The following DLGAP1 variants were observed in gnomAD, a reference collection of about 807,000 sequenced individuals.
The protein encoded by DLGAP1 is disks large-associated protein 1.
A neutral mutation model predicts 90.8 loss-of-function variants in DLGAP1; 11 were observed. The ratio of observed to expected loss-of-function variants is 0.12; its 90% CI spans 0.08 to 0.20. The LOEUF is 0.20. DLGAP1 is among the 10% of genes least tolerant of loss of function. The pLI is 1.00. For missense variants in DLGAP1, 1,050 were observed against 1,333.8 expected (o/e 0.79, Z 3.31); for synonymous variants, 558 against 540.7 (o/e 1.03, Z -0.44).
chr18:4,311,503 A>G (rs1317281694), intron 1 of DLGAP1, among the ~76,000 whole-genome samples: 5 of 152,174 alleles, frequency 3.3e-5, no homozygotes, highest in Non-Finnish European at 7.3e-5. Context: ...TCTTTTAGTA[A>G]CAAATCCTTT....
chr18:3,961,269 G>C (rs1458395711), intron 3 of DLGAP1, among the ~76,000 whole-genome samples: 1 of 152,132 alleles, frequency 6.6e-6, no homozygotes, highest in Non-Finnish European at 1.5e-5. Context: ...TTGTAGCTAG[G>C]TTTTCTGGTA....
intron 3 of DLGAP1, among the ~76,000 whole-genome samples, chr18:3,923,510 T>C (rs1482264839): frequency 6.6e-6 from 1 of 152,224 alleles, no homozygotes; most frequent in Non-Finnish European, 1.5e-5. Flanking sequence ...TTTACAGATA[T>C]TTTTCCAGTT....
rs954991299 is a variant in DLGAP1, at chr18:4,220,860, G to A, written c.-266-69573C>T. Among the ~76,000 whole-genome samples, 12 of 152,154 alleles carry A rather than the reference G, an allele frequency of 7.9e-5. No individual in the cohort carries two copies. In the South Asian group the frequency reaches 1.5e-3, roughly 18 times the overall value. Reference sequence around the variant, plus strand: ...AATGCAATATATAATGATATTTTAGGTCAACAGTGGACCACATATGTGACA... The same window carrying A: ...AATGCAATATATAATGATATTTTAGATCAACAGTGGACCACATATGTGACA... On this transcript the variant is annotated intron_variant, in intron 1 of 12. Coordinates refer to ENST00000315677, the MANE Select transcript of DLGAP1 (RefSeq NM_004746.4).
intron 2 of DLGAP1, among the ~76,000 whole-genome samples, chr18:4,056,163 G>A (rs572037860): frequency 6.8e-4 from 103 of 152,258 alleles, no homozygotes; most frequent in South Asian, 1.2e-3. Context: ...GGAGAAGGCC[G>A]TGGAGCCTTC....
At chr18:3,972,913 A>T (rs9959779) in intron 3 of DLGAP1, among the ~76,000 whole-genome samples, 2 of 152,080 alleles carry the variant, frequency 1.3e-5, no homozygotes, top group Admixed American at 1.3e-4. Flanking sequence ...GAATAAGCCC[A>T]TAGGGCAGAG....
At chr18:4,214,451 G>C (rs1598635745) in intron 1 of DLGAP1, among the ~76,000 whole-genome samples, 1 of 151,940 alleles carries the variant, frequency 6.6e-6, no homozygotes, top group African/African-American at 2.4e-5. Flanking sequence ...ATTGTGCTAG[G>C]CACACAGAGG....
At chr18:3,849,586 A>G (rs2069219562) in intron 4 of DLGAP1, among the ~76,000 whole-genome samples, 3 of 152,156 alleles carry the variant, frequency 2.0e-5, no homozygotes, top group African/African-American at 7.2e-5. Context: ...CCCAATGAAG[A>G]AAGGGACAGC....
intron 1 of DLGAP1, among the ~76,000 whole-genome samples, chr18:4,429,567 C>T (rs1484339569): frequency 6.6e-6 from 1 of 152,110 alleles, no homozygotes; most frequent in East Asian, 1.9e-4. Context: ...AATTAAGAAG[C>T]CTGGTGACAC....
In DLGAP1 at chr18:4,013,403, G is replaced by A. The variant is rs555289460; in HGVS notation, c.-158-8202C>T. Among the ~76,000 whole-genome samples, 4 of 152,288 alleles carry A rather than the reference G, an allele frequency of 2.6e-5. No homozygotes were observed. In the South Asian group the frequency reaches 8.3e-4, roughly 32 times the overall value. ...ACACAGTTAGTAAGTGAAGGAGCTG[G>A]ACCCAAATCCAGACAGTCTGACCCT... On this transcript the variant is annotated intron_variant, in intron 2 of 12. Transcript: ENST00000315677.
intron 7 of DLGAP1, among the ~76,000 whole-genome samples, chr18:3,712,255 T>C (rs1295956716): frequency 6.6e-6 from 1 of 152,070 alleles, no homozygotes; most frequent in Non-Finnish European, 1.5e-5. Flanking sequence ...GTAGTGGGGG[T>C]CAGCCCAGCA....
chr18:3,901,429 C>A (rs73940257), intron 3 of DLGAP1, among the ~76,000 whole-genome samples: 5,346 of 152,174 alleles, frequency 0.035, 308 homozygotes, highest in African/African-American at 0.12. Flanking sequence ...CTTTACACCC[C>A]GTCCACTGCT....
chr18:4,003,722 T>C (rs1409226288), intron 3 of DLGAP1, among the ~76,000 whole-genome samples: 7 of 152,000 alleles, frequency 4.6e-5, no homozygotes, highest in Non-Finnish European at 1.0e-4. Context: ...ATGTAAGAGA[T>C]AGGGAGCAGC....
At position 3,729,204 on chromosome 18, in the gene DLGAP1, A is replaced by T. The variant is rs2062316975; in HGVS notation, c.1522T>A (p.Cys508Ser). The T allele has an allele frequency of 6.2e-7, 1 of 1,613,762 alleles. No individual in the cohort carries two copies. Among genetic ancestry groups the T allele is most frequent in the Non-Finnish European group, 8.5e-7 (1 of 1,179,884 alleles). ...IEKGCSQDDE[C>S]VSLRSSSPPR... ...GGCGAGGACGACCTCAGGGACACGC[A>T]CTCGTCGTCCTGGGAGCAGCCTTTC... is the stretch of plus-strand genomic sequence containing the variant. Residue 508 changes from cysteine (C) to serine (S), a missense_variant, in exon 7 of 13, where the codon TGC (cysteine) becomes AGC (serine). Physicochemically the swap from Cys to Ser is moderately radical, Grantham distance 112. Transcript: ENST00000315677. This position sits in a 1 kb window ranked among gnomAD's most constrained non-coding sequence, Gnocchi z 6.2.
intron 7 of DLGAP1, among the ~76,000 whole-genome samples, chr18:3,662,371 T>C (rs1404721850): frequency 6.6e-6 from 1 of 152,220 alleles, no homozygotes; most frequent in African/African-American, 2.4e-5. Flanking sequence ...CCTAAGGGTA[T>C]TGTCCCACAG....
chr18:4,451,366 T>G (rs1254431305), intron 1 of DLGAP1, among the ~76,000 whole-genome samples: 1 of 152,182 alleles, frequency 6.6e-6, no homozygotes, highest in Non-Finnish European at 1.5e-5. Flanking sequence ...CAGGGAAAGG[T>G]GTAGCAAATA....
chr18:3,848,127 C>CAAAAAAAAAAAAAAAAAAAAAAAA (rs3862177), intron 4 of DLGAP1, among the ~76,000 whole-genome samples: 2 of 32,078 alleles, frequency 6.2e-5, no homozygotes, highest in African/African-American at 3.4e-4. Context: ...GGCCCCGTCT[C>CAAAAAAAAAAAAAAAAAAAAAAAA]AAAAAAAAAA....
At chr18:3,780,671 G>A (rs180694785) in intron 5 of DLGAP1, among the ~76,000 whole-genome samples, 2 of 152,150 alleles carry the variant, frequency 1.3e-5, no homozygotes, top group Middle Eastern at 3.4e-3. Flanking sequence ...ATTCTTCCTT[G>A]CCATGTAACA....
intron 9 of DLGAP1, among the ~76,000 whole-genome samples, chr18:3,539,475 T>C (rs1302798594): frequency 6.6e-6 from 1 of 152,208 alleles, no homozygotes; most frequent in Non-Finnish European, 1.5e-5. Flanking sequence ...GATCAACCAG[T>C]ATGGAACACA....
At chr18:4,032,184 G>T (rs2074806309) in intron 2 of DLGAP1, among the ~76,000 whole-genome samples, 1 of 152,200 alleles carries the variant, frequency 6.6e-6, no homozygotes, top group African/African-American at 2.4e-5. Context: ...CATTTGAAAA[G>T]AATTTCCAAA....
Sources: gnomAD v4.1 joint callset for allele counts (sites outside exome capture counted in the v4.1 genomes callset) on GRCh38, gnomAD v4.1.1 for gene constraint, Gnocchi (gnomAD v3.1) non-coding constraint, MANE v1.5 for transcripts, NCBI Gene and HGNC (gene_info 2026-07-23, HGNC 2026-07-21) for gene names.